The following MTMR6 variants were observed in gnomAD, a reference collection of about 807,000 sequenced individuals.
MTMR6 encodes the protein myotubularin related protein 6, also known as phosphatidylinositol-3,5-bisphosphate 3-phosphatase MTMR6.
Under a neutral mutation model 80.1 loss-of-function variants are expected in MTMR6, and 47 were observed. That is an observed-to-expected ratio of 0.59 (90% CI 0.46 to 0.75). The LOEUF is 0.75. Among genes scored for constraint, MTMR6 ranks in the 30% least tolerant of loss-of-function variants. The pLI, the probability that MTMR6 is intolerant of heterozygous loss-of-function variation, is 0.00. For synonymous variants in MTMR6, 254 were observed against 253.0 expected (o/e 1.00, Z -0.04); for missense variants, 629 against 730.9 (o/e 0.86, Z 1.61).
chr13:25,266,128 C>G lies in MTMR6; in HGVS notation c.462+1G>C, dbSNP rs745469964. On this transcript the variant is annotated splice_donor_variant, in intron 4 of 13. Transcript: ENST00000381801. LOFTEE classifies it high-confidence loss of function. ...ATTTCTCCAAAATGTTGTTAAGGTACCTTGTAGTCCCGGTTGGCATCAGAC... is the reference window on the plus strand; with the variant it reads ...ATTTCTCCAAAATGTTGTTAAGGTAGCTTGTAGTCCCGGTTGGCATCAGAC... The G allele has an allele frequency of 3.7e-6, 6 of 1,613,264 alleles. No homozygotes were observed. In the Admixed American group the frequency reaches 1.0e-4, roughly 27 times the overall value.
intron 6 of MTMR6, among the ~76,000 whole-genome samples, chr13:25,261,266 CCACTG>C (rs1416092546): frequency 7.5e-6 from 1 of 132,634 alleles, no homozygotes; most frequent in Non-Finnish European, 1.5e-5. Flanking sequence ...CGAGATCACA[CCACTG>C]CACTCCAGGG....
At chr13:25,249,595 T>C (rs112323581) in intron 13 of MTMR6, 103 bp from the exon 14 acceptor site, 2 of 1,158,742 alleles carry the variant, frequency 1.7e-6, no homozygotes, top group African/African-American at 3.1e-5. Context: ...TCTGTATGTA[T>C]AATGCAAAAC....
intron 13 of MTMR6, among the ~76,000 whole-genome samples, chr13:25,250,477 A>G (rs1345174376): frequency 6.6e-6 from 1 of 152,226 alleles, no homozygotes; most frequent in African/African-American, 2.4e-5. Flanking sequence ...TCACTAAGAA[A>G]AAGGCAAATA....
intron 2 of MTMR6, among the ~76,000 whole-genome samples, chr13:25,268,355 A>G (rs1164170784): frequency 6.6e-6 from 1 of 152,234 alleles, no homozygotes; most frequent in African/African-American, 2.4e-5. Context: ...AACATTGAAA[A>G]GCAGATTAAG....
intron 2 of MTMR6, among the ~76,000 whole-genome samples, chr13:25,271,679 TCTAC>T (rs1291402688): frequency 6.6e-6 from 1 of 152,230 alleles, no homozygotes; most frequent in Non-Finnish European, 1.5e-5. Flanking sequence ...ATTTTACTTA[TCTAC>T]CTACTTATTG....
intron 7 of MTMR6, 80 bp from the exon 8 acceptor site, chr13:25,257,925 GTGAA>G (rs1957250121): frequency 3.2e-6 from 3 of 943,860 alleles, no homozygotes; most frequent in Non-Finnish European, 4.7e-6. Context: ...CTCTAGATAA[GTGAA>G]TGAAGAAAGA....
chr13:25,251,763 G>A lies in MTMR6; in HGVS notation c.1491C>T (p.Asn497=). 6.2e-7 allele frequency: 1 copy of A among 1,607,388 alleles called. No homozygotes were observed. Among genetic ancestry groups the A allele is most frequent in the African/African-American group, 1.3e-5 (1 of 74,572 alleles). ...GTGTTCGATCAAATTGATGGTACAT[G>A]TTCCTCCAAAACCTTTATGACAAAA... The part of the protein sequence containing the change: ...TVSFNFKFWR[N]MYHQFDRTLH... Residue 497 remains asparagine, a synonymous_variant, in exon 13 of 14, where the codon AAC becomes AAT. Coordinates refer to ENST00000381801, the MANE Select transcript of MTMR6 (RefSeq NM_004685.5). This position sits in a 1 kb window ranked among gnomAD's most constrained non-coding sequence, Gnocchi z 4.1.
rs374623286 is a variant in MTMR6, at chr13:25,284,366, A to G, written c.24+2858T>C. 3.3e-5 allele frequency among the ~76,000 whole-genome samples: 5 copies of G among 152,316 alleles called. No homozygotes were observed. In the East Asian group the frequency reaches 9.6e-4, roughly 29 times the overall value. ...ATTTCCTCCTCACCTATAAATGGAG[A>G]TAATACTACCCAACTGACAGGGTTA... On this transcript the variant is annotated intron_variant, in intron 1 of 13. Transcript: ENST00000381801.
chr13:25,281,676 C>T (rs918204042), intron 1 of MTMR6, among the ~76,000 whole-genome samples: 4 of 152,128 alleles, frequency 2.6e-5, no homozygotes, highest in Non-Finnish European at 5.9e-5. Context: ...TCTGGCTTGT[C>T]GCACTCCTTC....
At chr13:25,262,847 G>T (rs1441912129) in intron 5 of MTMR6, among the ~76,000 whole-genome samples, 2 of 152,158 alleles carry the variant, frequency 1.3e-5, no homozygotes, top group Non-Finnish European at 2.9e-5. Context: ...ATTCTTTTCA[G>T]ACCTACTTTC....
intron 13 of MTMR6, 120 bp from the exon 14 acceptor site, chr13:25,249,612 T>A: frequency 9.9e-7 from 1 of 1,010,124 alleles, no homozygotes; most frequent in Non-Finnish European, 1.4e-6. Context: ...AAACTAAATC[T>A]CAAAAAAGTA....
chr13:25,265,141 C>T (rs1367851605), intron 5 of MTMR6, among the ~76,000 whole-genome samples: 3 of 152,144 alleles, frequency 2.0e-5, no homozygotes. Context: ...TTGATTTGAG[C>T]TTACTATTAA....
At chr13:25,278,142 T>C (rs1415642661) in intron 1 of MTMR6, among the ~76,000 whole-genome samples, 1 of 152,234 alleles carries the variant, frequency 6.6e-6, no homozygotes, top group African/African-American at 2.4e-5. Context: ...CTGACATTTC[T>C]TCTAACTTTA....
chr13:25,282,454 T>G (rs2137637584), intron 1 of MTMR6, among the ~76,000 whole-genome samples: 1 of 152,236 alleles, frequency 6.6e-6, no homozygotes, highest in Non-Finnish European at 1.5e-5. Flanking sequence ...GAACAGTGCC[T>G]GGCCCAAGGA....
rs544413242 is a variant in MTMR6 at position 25,247,548 on chromosome 13, G to C, written c.*1684C>G. On this transcript the variant is annotated 3_prime_UTR_variant, in exon 14 of 14. Coordinates refer to ENST00000381801, the MANE Select transcript of MTMR6 (RefSeq NM_004685.5). Reference sequence around the variant, plus strand: ...ACAGAAGATTCTAAAACCACAATCAGTGACTGGAACACCAAGGCACAAAAA... The same window carrying C: ...ACAGAAGATTCTAAAACCACAATCACTGACTGGAACACCAAGGCACAAAAA... The C allele has an allele frequency of 1.6e-4, 24 of 152,298 alleles. No homozygotes were observed. Among genetic ancestry groups the C allele is most frequent in the African/African-American group, 5.3e-4 (22 of 41,582 alleles). 9.4% of individuals were successfully genotyped at this position (152,298 alleles called of 1,614,324 possible).
chr13:25,249,479 C>A lies in MTMR6; in HGVS notation c.1619G>T (p.Arg540Leu). 1.2e-6 allele frequency: 2 copies of A among 1,611,730 alleles called. No individual in the cohort carries two copies. The highest frequency in any genetic ancestry group is 1.7e-6 in the Non-Finnish European group (2 of 1,178,370). ...IKDLESKIKQRKNKQTDGILT... is the reference protein window; with the variant it reads ...IKDLESKIKQLKNKQTDGILT... ...GATGCCATCTGTTTGCTTATTTTTG[C>A]GTTGTTTAATTTTCTAGAACAAACA... Residue 540 changes from arginine to leucine, a missense_variant, in exon 14 of 14, where the codon CGC (arginine) becomes CTC (leucine). Transcript: ENST00000381801.
intron 5 of MTMR6, among the ~76,000 whole-genome samples, chr13:25,263,581 C>T (rs1251681237): frequency 6.6e-6 from 1 of 152,202 alleles, no homozygotes; most frequent in Non-Finnish European, 1.5e-5. Context: ...AGGAAACCAA[C>T]TTATACAACA....
intron 1 of MTMR6, among the ~76,000 whole-genome samples, chr13:25,284,356 A>G (rs1315538535): frequency 2.0e-5 from 3 of 152,198 alleles, no homozygotes; most frequent in African/African-American, 7.2e-5. Flanking sequence ...CTCCTCACCT[A>G]TAAATGGAGA....
chr13:25,278,839 TGA>T (rs1957782558), intron 1 of MTMR6, among the ~76,000 whole-genome samples: 2 of 151,986 alleles, frequency 1.3e-5, no homozygotes, highest in Non-Finnish European at 2.9e-5. Context: ...GAGCAGAGGC[TGA>T]GTCATTGCAC....
Sources: allele counts gnomAD v4.1 joint callset (sites outside exome capture counted in the v4.1 genomes callset), GRCh38; gene constraint gnomAD v4.1.1; non-coding constraint Gnocchi (gnomAD v3.1); transcripts MANE v1.5; gene names NCBI Gene and HGNC (gene_info 2026-07-23, HGNC 2026-07-21).